Variants in COL27A1 observed in about 807,000 individuals in gnomAD.
COL27A1 encodes collagen type XXVII alpha 1 chain.
In COL27A1, 106 loss-of-function variants were observed where a neutral mutation model predicts 251.3. That is an observed-to-expected ratio of 0.42 (90% CI 0.36 to 0.50). COL27A1 has a LOEUF of 0.50. COL27A1 is among the 20% of genes least tolerant of loss of function. The probability of loss-of-function intolerance (pLI) is 0.00; values close to 1 mark genes in which losing one functional copy is unlikely to be tolerated. For synonymous variants in COL27A1, 1,000 were observed against 986.3 expected (o/e 1.01, Z -0.26); for missense variants, 2,325 against 2,522.8 (o/e 0.92, Z 1.68).
intron 19 of COL27A1, among the ~76,000 whole-genome samples, chr9:114,238,125 G>A (rs1016709513): frequency 1.3e-5 from 2 of 152,220 alleles, no homozygotes; most frequent in Non-Finnish European, 2.9e-5. Flanking sequence ...GAGCTTCCGG[G>A]TATGGGGAGC....
At chr9:114,283,631 TGGAGCCTGCAG>T (rs1836066690) in intron 39 of COL27A1, 67 bp from the exon 40 acceptor site, 1 of 1,369,180 alleles carries the variant, frequency 7.3e-7, no homozygotes, top group Non-Finnish European at 1.0e-6. Flanking sequence ...GGAGCGGGGC[TGGAGCCTGCAG>T]GGAGACTGCT....
intron 10 of COL27A1, 102 bp from the exon 11 acceptor site, chr9:114,209,573 G>T (rs550553300): frequency 9.4e-7 from 1 of 1,063,412 alleles, no homozygotes; most frequent in South Asian, 1.2e-5. Flanking sequence ...AGGAAGAGGA[G>T]GAGCCGGGAT....
At chr9:114,176,568 G>A (rs983712317) in intron 3 of COL27A1, among the ~76,000 whole-genome samples, 1 of 152,008 alleles carries the variant, frequency 6.6e-6, no homozygotes, top group African/African-American at 2.4e-5. Flanking sequence ...GTGAACCCAG[G>A]CCCGTGGTGT....
intron 1 of COL27A1, among the ~76,000 whole-genome samples, chr9:114,157,574 C>T (rs1206046789): frequency 1.3e-5 from 2 of 152,258 alleles, no homozygotes; most frequent in African/African-American, 2.4e-5. Flanking sequence ...AGCACACTCC[C>T]CTGTTCTTTG....
At chr9:114,208,153 C>T (rs1830093137) in intron 10 of COL27A1, among the ~76,000 whole-genome samples, 1 of 151,844 alleles carries the variant, frequency 6.6e-6, no homozygotes, top group South Asian at 2.1e-4. Flanking sequence ...AATACTTCCT[C>T]AGGGCTGGGC....
chr9:114,241,302 C>G (rs527691144), intron 21 of COL27A1, among the ~76,000 whole-genome samples: 1 of 152,236 alleles, frequency 6.6e-6, no homozygotes, highest in Non-Finnish European at 1.5e-5. Context: ...AGATTCACCG[C>G]GACCGCAGGC....
chr9:114,300,409 A>C, intron 50 of COL27A1: 1 of 579,568 alleles, frequency 1.7e-6, no homozygotes, highest in Non-Finnish European at 3.1e-6. Flanking sequence ...TTGCAAAAAT[A>C]AAGACCAGGG....
In COL27A1 at chr9:114,309,330, TCAC is replaced by T; in HGVS notation, c.5291_5293del (p.Thr1764del). On this transcript the variant is annotated inframe_deletion, in exon 60 of 61. Transcript: ENST00000356083. ...CTAAGCTCCGAGGTGACCCAGCACA[TCAC>T]CATCCACTGCCTTAACATGACCGTG... The T allele has an allele frequency of 6.2e-7, 1 of 1,614,056 alleles. No homozygotes were observed. Among genetic ancestry groups the T allele is most frequent in the South Asian group, 1.1e-5 (1 of 91,068 alleles).
intron 5 of COL27A1, among the ~76,000 whole-genome samples, 165 bp downstream of exon 5, chr9:114,183,240 G>A (rs1828074741): frequency 6.6e-6 from 1 of 152,238 alleles, no homozygotes; most frequent in African/African-American, 2.4e-5. Flanking sequence ...TGGGCCCTGT[G>A]CCTGGTCCGG....
chr9:114,221,570 C>T (rs987294835), intron 13 of COL27A1, among the ~76,000 whole-genome samples: 1 of 152,186 alleles, frequency 6.6e-6, no homozygotes, highest in Non-Finnish European at 1.5e-5. Flanking sequence ...AACCCTTCCA[C>T]CTGTCATTTC....
At chr9:114,309,964 G>T (rs1270927885) in intron 60 of COL27A1, among the ~76,000 whole-genome samples, 2 of 152,188 alleles carry the variant, frequency 1.3e-5, no homozygotes, top group Non-Finnish European at 2.9e-5. Context: ...CAACAATCTC[G>T]CATGAAGCTG....
intron 10 of COL27A1, among the ~76,000 whole-genome samples, chr9:114,207,030 CATGGCGGGGCCTGG>C (rs1399194076): frequency 2.1e-4 from 32 of 152,214 alleles, no homozygotes; most frequent in Admixed American, 2.0e-4. Context: ...AAACTGGGTT[CATGGCGGGGCCTGG>C]ATGGCCCCAG....
At chr9:114,240,340 G>C in intron 20 of COL27A1, 67 bp downstream of exon 20, 1 of 1,581,192 alleles carries the variant, frequency 6.3e-7, no homozygotes, top group South Asian at 1.1e-5. Flanking sequence ...ACAGGGGCTG[G>C]CTGCCTGGCT....
At chr9:114,188,613 TATATTTGTATATACATAC>T (rs1345661219) in intron 5 of COL27A1, among the ~76,000 whole-genome samples, 2 of 152,198 alleles carry the variant, frequency 1.3e-5, no homozygotes, top group Non-Finnish European at 2.9e-5. Flanking sequence ...TATACCAAGA[TATATTTGTATATACATAC>T]ACAGGCATAC....
intron 41 of COL27A1, among the ~76,000 whole-genome samples, chr9:114,287,688 G>T (rs116029938): frequency 6.6e-6 from 1 of 152,062 alleles, no homozygotes; most frequent in African/African-American, 2.4e-5. Flanking sequence ...CTCCAGTCCC[G>T]CTCTGCACAT....
At chr9:114,225,288 C>T (rs1481355581) in intron 14 of COL27A1, among the ~76,000 whole-genome samples, 1 of 152,248 alleles carries the variant, frequency 6.6e-6, no homozygotes, top group Non-Finnish European at 1.5e-5. Context: ...GCAGCCTGCA[C>T]TGGGGGCAGA....
chr9:114,180,464 G>C (rs2135158097), intron 4 of COL27A1, among the ~76,000 whole-genome samples: 1 of 152,194 alleles, frequency 6.6e-6, no homozygotes, highest in African/African-American at 2.4e-5. Context: ...ACGCTTCTAG[G>C]CTCTTTGCCT....
At chr9:114,285,619 C>T (rs767069003) in intron 41 of COL27A1, among the ~76,000 whole-genome samples, 16 of 152,200 alleles carry the variant, frequency 1.1e-4, no homozygotes, top group South Asian at 2.1e-4. Flanking sequence ...GCTGGCCCGG[C>T]GTGCTGCCCA....
intron 37 of COL27A1, among the ~76,000 whole-genome samples, chr9:114,276,592 A>G (rs918156448): frequency 6.6e-6 from 1 of 152,242 alleles, no homozygotes; most frequent in African/African-American, 2.4e-5. Flanking sequence ...GCAACAGAAC[A>G]AGACTTTGTC....
Sources: allele counts gnomAD v4.1 joint callset (sites outside exome capture counted in the v4.1 genomes callset), GRCh38; gene constraint gnomAD v4.1.1; transcripts MANE v1.5; gene names NCBI Gene and HGNC (gene_info 2026-07-23, HGNC 2026-07-21).